UGT1A9: variants seen among roughly 807,000 people sequenced by gnomAD.
UGT1A9 encodes UDP-glucuronosyltransferase 1A9.
In UGT1A9, 35 loss-of-function variants were observed where a neutral mutation model predicts 45.0. The ratio of observed to expected loss-of-function variants is 0.78; its 90% CI spans 0.59 to 1.03. The LOEUF (loss-of-function observed/expected upper bound fraction) is 1.03, where lower values mean the gene tolerates loss of function less well. UGT1A9 is among the 50% of genes least tolerant of loss of function. The probability of loss-of-function intolerance (pLI) is 0.00; values close to 1 mark genes in which losing one functional copy is unlikely to be tolerated. For missense variants in UGT1A9, 687 were observed against 666.6 expected (o/e 1.03, Z -0.34); for synonymous variants, 278 against 250.6 (o/e 1.11, Z -1.03).
At chr2:233,751,152 G>T (rs1694652317) in intron 1 of UGT1A9, among the ~76,000 whole-genome samples, 1 of 151,956 alleles carries the variant, frequency 6.6e-6, no homozygotes, top group Non-Finnish European at 1.5e-5. Flanking sequence ...GCCCACTTCT[G>T]GCATCAGCAT....
chr2:233,768,258 T>C lies in UGT1A9; in HGVS notation c.1114T>C (p.Ser372Pro). 1 of 1,614,230 alleles carries C rather than the reference T, an allele frequency of 6.2e-7. No homozygotes were observed. The highest frequency in any genetic ancestry group is 8.5e-7 in the Non-Finnish European group (1 of 1,180,044). Residue 372 changes from serine (S) to proline (P), a missense_variant, in exon 4 of 5, where the codon TCC becomes CCC. By Grantham distance (74) the Ser-to-Pro change is moderately conservative. Coordinates refer to ENST00000354728, the MANE Select transcript of UGT1A9 (RefSeq NM_021027.3). ...MTRAFITHAG[S>P]HGVYESICNG... Reference sequence around the variant, plus strand: ...CCGTGCCTTTATCACCCATGCTGGTTCCCATGGTGTTTATGAAAGCATATG... The same window carrying C: ...CCGTGCCTTTATCACCCATGCTGGTCCCCATGGTGTTTATGAAAGCATATG...
rs766281304 is a variant in UGT1A9 at position 233,769,518 on chromosome 2, T to C, written c.1295+1079T>C. On this transcript the variant is annotated intron_variant, in intron 4 of 4. Coordinates refer to ENST00000354728, the MANE Select transcript of UGT1A9 (RefSeq NM_021027.3). This position sits in a 1 kb window ranked among gnomAD's most constrained non-coding sequence, Gnocchi z 4.4. ...GAGTGTCCATTGCTTTCTCCCATGG[T>C]TACCTCCTTTAGAAAGAAGCAGCAG... The C allele has an allele frequency of 1.2e-6, 2 of 1,612,876 alleles. No homozygotes were observed. Among genetic ancestry groups the C allele is most frequent in the South Asian group, 2.2e-5 (2 of 91,072 alleles).
intron 1 of UGT1A9, chr2:233,713,127 G>A: frequency 6.2e-7 from 1 of 1,614,246 alleles, no homozygotes; most frequent in Non-Finnish European, 8.5e-7. Flanking sequence ...CAGCATGCGG[G>A]AGGCCTTGCG....
intron 1 of UGT1A9, among the ~76,000 whole-genome samples, chr2:233,763,089 A>C (rs1698233437): frequency 6.6e-6 from 1 of 152,238 alleles, no homozygotes; most frequent in South Asian, 2.1e-4. Flanking sequence ...GGATGTTTGT[A>C]GGAGAGGCAC....
intron 1 of UGT1A9, chr2:233,693,123 T>G: frequency 6.2e-7 from 1 of 1,614,176 alleles, no homozygotes; most frequent in Non-Finnish European, 8.5e-7. Context: ...AGCCACTGGC[T>G]TAGTATGAAG....
In UGT1A9 at chr2:233,724,159, G is replaced by T. The variant is rs1253730217; in HGVS notation, c.856-42875G>T. Among the ~76,000 whole-genome samples the T allele has an allele frequency of 6.2e-4, 77 of 124,140 alleles. 1 individual carries two copies. Among genetic ancestry groups the T allele is most frequent in the African/African-American group, 2.5e-3 (70 of 28,440 alleles). The allele number at this position is 124,140 out of a possible 152,430, so 81.4% of individuals were successfully genotyped here. A position where few individuals can be genotyped will look rare whatever the true frequency, so the allele number is the denominator to read the frequency against. On this transcript the variant is annotated intron_variant, in intron 1 of 4. Transcript: ENST00000354728. Reference sequence around the variant, plus strand: ...GACGGGGCGGCTGGCCGGGTGGGGGGGCTGACCCCCCCATCTCCCTCCCGG... The same window carrying T: ...GACGGGGCGGCTGGCCGGGTGGGGGTGCTGACCCCCCCATCTCCCTCCCGG...
chr2:233,741,316 A>C (rs1691627687), intron 1 of UGT1A9, among the ~76,000 whole-genome samples: 7 of 151,556 alleles, frequency 4.6e-5, no homozygotes, highest in Admixed American at 4.6e-4. Context: ...ACACCAACTC[A>C]TTCTACTCTA....
At chr2:233,715,005 T>G (rs2076427841) in intron 1 of UGT1A9, among the ~76,000 whole-genome samples, 1 of 152,190 alleles carries the variant, frequency 6.6e-6, no homozygotes, top group African/African-American at 2.4e-5. Context: ...GCCTCCCAAG[T>G]AGCTGGAACT....
chr2:233,724,233 G>C (rs1323099966), intron 1 of UGT1A9, among the ~76,000 whole-genome samples: 2 of 126,058 alleles, frequency 1.6e-5, no homozygotes, highest in Non-Finnish European at 3.4e-5. Flanking sequence ...CAGTAGGGGC[G>C]GCCGGGCAGA....
chr2:233,755,038 C>A (rs751084795), intron 1 of UGT1A9: 1 of 1,320,112 alleles, frequency 7.6e-7, no homozygotes, highest in South Asian at 1.1e-5. Flanking sequence ...CTGCCGCCTG[C>A]GCAGCCGCCC....
At chr2:233,756,915 T>C (rs571435889) in intron 1 of UGT1A9, among the ~76,000 whole-genome samples, 1 of 152,112 alleles carries the variant, frequency 6.6e-6, no homozygotes, top group East Asian at 1.9e-4. Context: ...ACTTCTGAGT[T>C]TATATAACCT....
Position 233,671,930 on chromosome 2 carries a change from C to G in UGT1A9, c.-5C>G. 2.5e-6 allele frequency: 4 copies of G among 1,602,274 alleles called. No homozygotes were observed. Among genetic ancestry groups the G allele is most frequent in the Non-Finnish European group, 3.4e-6 (4 of 1,174,064 alleles). Reference sequence around the variant, plus strand: ...CAGCTGCTTGCTCTCAGCTGCAGTTCTCTGATGGCTTGCACAGGGTGGACC... The same window carrying G: ...CAGCTGCTTGCTCTCAGCTGCAGTTGTCTGATGGCTTGCACAGGGTGGACC... On this transcript the variant is annotated 5_prime_UTR_variant, in exon 1 of 5. Coordinates refer to ENST00000354728, the MANE Select transcript of UGT1A9 (RefSeq NM_021027.3).
intron 1 of UGT1A9, chr2:233,754,819 C>A (rs768110391): frequency 7.5e-7 from 1 of 1,334,292 alleles, no homozygotes; most frequent in Non-Finnish European, 1.0e-6. Flanking sequence ...AAACCACCCT[C>A]AAAAGCTGGA....
intron 1 of UGT1A9, chr2:233,743,878 C>G (rs1692563278): frequency 7.3e-7 from 1 of 1,367,158 alleles, no homozygotes; most frequent in Non-Finnish European, 9.8e-7. Context: ...CGGATGAGGC[C>G]TGCCGGGGCA....
chr2:233,711,956 A>G (rs2076206805), intron 1 of UGT1A9, among the ~76,000 whole-genome samples: 1 of 152,196 alleles, frequency 6.6e-6, no homozygotes, highest in African/African-American at 2.4e-5. Context: ...TTAATTCTCC[A>G]TTTTGAAATT....
chr2:233,728,938 C>T (rs1263603941), intron 1 of UGT1A9, among the ~76,000 whole-genome samples: 18 of 152,162 alleles, frequency 1.2e-4, no homozygotes, highest in Admixed American at 9.2e-4. Flanking sequence ...CGGTCTTTTC[C>T]AGGGTGGGGC....
At chr2:233,752,938 T>A (rs1691143472) in intron 1 of UGT1A9, among the ~76,000 whole-genome samples, 2 of 152,262 alleles carry the variant, frequency 1.3e-5, no homozygotes, top group South Asian at 4.1e-4. Flanking sequence ...CACTCTTTGC[T>A]GACCACTGAA....
At position 233,744,183 on chromosome 2, in the gene UGT1A9, A is replaced by G. The variant is rs1026910418; in HGVS notation, c.856-22851A>G. 8.6e-5 allele frequency among the ~76,000 whole-genome samples: 13 copies of G among 151,842 alleles called. 1 individual carries two copies. The highest frequency in any genetic ancestry group is 2.7e-4 in the African/African-American group (11 of 41,106). On this transcript the variant is annotated intron_variant, in intron 1 of 4. Transcript: ENST00000354728. Reference sequence around the variant, plus strand: ...CGCCCACTCCGGCCTCCAACCAGCCATGGTCTCCAAAAAGGATGGGAAAAA... The same window carrying G: ...CGCCCACTCCGGCCTCCAACCAGCCGTGGTCTCCAAAAAGGATGGGAAAAA...
At position 233,684,942 on chromosome 2, in the gene UGT1A9, T is replaced by C. The variant is rs578050971; in HGVS notation, c.855+12153T>C. On this transcript the variant is annotated intron_variant, in intron 1 of 4. Coordinates refer to ENST00000354728, the MANE Select transcript of UGT1A9 (RefSeq NM_021027.3). ...TAGACAACAGGATTCATAGTCTGCA[T>C]TTCATCTGTCTGATGAAAAGAAAGC... Among the ~76,000 whole-genome samples the C allele has an allele frequency of 7.6e-4, 108 of 142,990 alleles. 1 individual carries two copies. Among genetic ancestry groups the C allele is most frequent in the African/African-American group, 2.4e-3 (97 of 40,426 alleles). The allele number at this position is 142,990 out of a possible 152,430, so 93.8% of individuals were successfully genotyped here.
Sources: allele counts gnomAD v4.1 joint callset (sites outside exome capture counted in the v4.1 genomes callset), GRCh38; gene constraint gnomAD v4.1.1; non-coding constraint Gnocchi (gnomAD v3.1); transcripts MANE v1.5; gene names NCBI Gene and HGNC (gene_info 2026-07-23, HGNC 2026-07-21).